The following RAI14 variants were observed in gnomAD, a reference collection of about 807,000 sequenced individuals.
The protein encoded by RAI14 is ankycorbin.
A neutral mutation model predicts 115.4 loss-of-function variants in RAI14; 45 were observed. The ratio of observed to expected loss-of-function variants is 0.39; its 90% confidence interval spans 0.31 to 0.50. RAI14 has a LOEUF of 0.50. Ranked by LOEUF, RAI14 falls within the 20% of genes least tolerant of loss-of-function variation. The pLI is 0.85. For missense variants in RAI14, 939 were observed against 1,131.2 expected, an observed-to-expected ratio of 0.83 and a Z score of 2.44; for synonymous variants, 371 against 415.4, an observed-to-expected ratio of 0.89 and a Z score of 1.30.
chr5:34,693,310 G>T (rs1738860489), intron 2 of RAI14, among the ~76,000 whole-genome samples: 1 of 152,166 alleles, frequency 6.6e-6, no homozygotes, highest in Non-Finnish European at 1.5e-5. Context: ...CCCCCACTGA[G>T]CTGGCACTGT....
chr5:34,668,054 G>A (rs903490652), intron 1 of RAI14, among the ~76,000 whole-genome samples: 5 of 152,152 alleles, frequency 3.3e-5, no homozygotes, highest in Admixed American at 6.6e-5. Context: ...GGGAACTTGT[G>A]AGACAGGAGG....
chr5:34,752,970 T>G (rs1314090671), intron 2 of RAI14, among the ~76,000 whole-genome samples: 3 of 151,962 alleles, frequency 2.0e-5, no homozygotes, highest in Non-Finnish European at 2.9e-5. Context: ...TACACATACA[T>G]GTAATAAATA....
At chr5:34,755,322 G>A (rs550995411) in intron 2 of RAI14, among the ~76,000 whole-genome samples, 1 of 152,284 alleles carries the variant, frequency 6.6e-6, no homozygotes, top group South Asian at 2.1e-4. Context: ...TGCTGTAGTA[G>A]GAGCGTGGCT....
intron 1 of RAI14, among the ~76,000 whole-genome samples, chr5:34,669,856 C>G (rs1004842705): frequency 6.6e-6 from 1 of 152,194 alleles, no homozygotes; most frequent in Non-Finnish European, 1.5e-5. Flanking sequence ...TCTCAGTCTG[C>G]TGTCAGCCCA....
chr5:34,707,511 ATT>A (rs1740851577), intron 2 of RAI14, among the ~76,000 whole-genome samples: 1 of 152,114 alleles, frequency 6.6e-6, no homozygotes, highest in African/African-American at 2.4e-5. Flanking sequence ...AAAATTCTGT[ATT>A]TCCTGTTCAG....
At chr5:34,706,724 G>A (rs1200678112) in intron 2 of RAI14, among the ~76,000 whole-genome samples, 1 of 152,052 alleles carries the variant, frequency 6.6e-6, no homozygotes, top group African/African-American at 2.4e-5. Context: ...GGTTTTCTCT[G>A]CTTGAAACAC....
In RAI14 at chr5:34,795,935, C is replaced by A. The variant is rs1753469378; in HGVS notation, c.168-4C>A. 7.4e-6 allele frequency: 12 copies of A among 1,610,808 alleles called. No individual in the cohort carries two copies. Among genetic ancestry groups the A allele is most frequent in the Non-Finnish European group, 1.0e-5 (12 of 1,177,194 alleles). Reference sequence around the variant, plus strand: ...AAGGAGATTGTGTTTACTTCTCTTTCCAGTTTCCATCTTGCTGCTGCAAAA... The same window carrying A: ...AAGGAGATTGTGTTTACTTCTCTTTACAGTTTCCATCTTGCTGCTGCAAAA... On this transcript the variant is annotated splice_region_variant and splice_polypyrimidine_tract_variant and intron_variant, in intron 3 of 17. Coordinates refer to ENST00000265109, the MANE Select transcript of RAI14 (RefSeq NM_015577.3).
chr5:34,808,578 C>T lies in RAI14; in HGVS notation c.380-6C>T, dbSNP rs191299396. Reference sequence around the variant, plus strand: ...GGCTGTGGTATTTATATTTTCCTTCCCCCAGCGGCTCAGGGCTGCCTTCAA... The same window carrying T: ...GGCTGTGGTATTTATATTTTCCTTCTCCCAGCGGCTCAGGGCTGCCTTCAA... On this transcript the variant is annotated splice_region_variant and splice_polypyrimidine_tract_variant and intron_variant, in intron 6 of 17. Transcript: ENST00000265109. 7 of 1,613,916 alleles carry T rather than the reference C, an allele frequency of 4.3e-6. No homozygotes were observed. The African/African-American group carries it at 9.3e-5, about 22-fold the overall frequency.
intron 2 of RAI14, among the ~76,000 whole-genome samples, chr5:34,717,802 A>C (rs1440754903): frequency 6.6e-6 from 1 of 151,538 alleles, no homozygotes; most frequent in Non-Finnish European, 1.5e-5. Flanking sequence ...GAAGGCTTTA[A>C]GTACTGGCAT....
At chr5:34,802,771 AAGCAGGG>A (rs1350883150) in intron 4 of RAI14, among the ~76,000 whole-genome samples, 2 of 152,204 alleles carry the variant, frequency 1.3e-5, no homozygotes, top group African/African-American at 4.8e-5. Context: ...TAAAGAAATA[AAGCAGGG>A]AGTGGGGGTA....
chr5:34,685,772 T>G (rs1744800609), intron 1 of RAI14: 1 of 152,182 alleles, frequency 6.6e-6, no homozygotes, highest in Non-Finnish European at 1.5e-5. Flanking sequence ...GCAACTACCT[T>G]GTAGAATCCA....
intron 3 of RAI14, among the ~76,000 whole-genome samples, chr5:34,778,658 C>T (rs1422014660): frequency 2.0e-5 from 3 of 151,980 alleles, no homozygotes; most frequent in African/African-American, 2.4e-5. Flanking sequence ...TGGCTCACAC[C>T]TGTAACCCCA....
rs11949497 is a variant in RAI14, at chr5:34,806,429, G to A, written c.322-1371G>A. Among the ~76,000 whole-genome samples, 266 of 152,268 alleles carry A rather than the reference G, an allele frequency of 1.7e-3. 1 individual carries two copies. The highest frequency in any genetic ancestry group is 6.3e-3 in the African/African-American group (262 of 41,538). On this transcript the variant is annotated intron_variant, in intron 5 of 17. Coordinates refer to ENST00000265109, the MANE Select transcript of RAI14 (RefSeq NM_015577.3). ...TGTTTCTTTAGAGAATTGATAAAAAGGGGAAAAATGCAGAACTGGGGAGAC... is the reference window on the plus strand; with the variant it reads ...TGTTTCTTTAGAGAATTGATAAAAAAGGGAAAAATGCAGAACTGGGGAGAC...
At chr5:34,681,003 T>C (rs1471647625) in intron 1 of RAI14, among the ~76,000 whole-genome samples, 1 of 152,164 alleles carries the variant, frequency 6.6e-6, no homozygotes, top group Non-Finnish European at 1.5e-5. Context: ...GGGCCCTGCT[T>C]CCCATTTTTA....
intron 2 of RAI14, among the ~76,000 whole-genome samples, chr5:34,724,127 C>T (rs576517183): frequency 1.3e-5 from 2 of 152,316 alleles, no homozygotes; most frequent in South Asian, 2.1e-4. Context: ...AGAGATTCTC[C>T]TGCCTCAGCC....
chr5:34,676,704 G>GAT (rs1271885795), intron 1 of RAI14, among the ~76,000 whole-genome samples: 1 of 152,192 alleles, frequency 6.6e-6, no homozygotes, highest in East Asian at 1.9e-4. Flanking sequence ...AAAGGAGAAT[G>GAT]ATATATTTGG....
chr5:34,704,561 C>T (rs940515760), intron 2 of RAI14, among the ~76,000 whole-genome samples: 4 of 152,194 alleles, frequency 2.6e-5, no homozygotes, highest in African/African-American at 9.6e-5. Flanking sequence ...TAGAAGAGTA[C>T]ATCCCTCTTA....
At chr5:34,709,312 G>A (rs1024126968) in intron 2 of RAI14, among the ~76,000 whole-genome samples, 4 of 152,144 alleles carry the variant, frequency 2.6e-5, no homozygotes, top group South Asian at 2.1e-4. Flanking sequence ...GCTGGGCATG[G>A]TGGCATGTGC....
At chr5:34,786,140 C>T (rs1195506032) in intron 3 of RAI14, among the ~76,000 whole-genome samples, 3 of 152,182 alleles carry the variant, frequency 2.0e-5, no homozygotes, top group African/African-American at 7.2e-5. Flanking sequence ...TGGAACGGGG[C>T]CCGGGATGGG....
Sources: gnomAD v4.1 joint callset for allele counts (sites outside exome capture counted in the v4.1 genomes callset) on GRCh38, gnomAD v4.1.1 for gene constraint, MANE v1.5 for transcripts, NCBI Gene and HGNC (gene_info 2026-07-23, HGNC 2026-07-21) for gene names.